The following RABGAP1L variants were observed in gnomAD, a reference collection of about 807,000 sequenced individuals.
The protein encoded by RABGAP1L is rab GTPase-activating protein 1-like.
A neutral mutation model predicts 137.7 loss-of-function variants in RABGAP1L; 63 were observed. The observed-to-expected ratio is 0.46, with a 90% CI of 0.37 to 0.56. The LOEUF is 0.56. Among genes scored for constraint, RABGAP1L ranks in the 20% least tolerant of loss-of-function variants. The probability of loss-of-function intolerance (pLI) is 0.00; values close to 1 mark genes in which losing one functional copy is unlikely to be tolerated. For missense variants in RABGAP1L, 1,095 were observed against 1,244.0 expected (o/e 0.88, Z 1.80); for synonymous variants, 431 against 433.7 (o/e 0.99, Z 0.08).
intron 13 of RABGAP1L, among the ~76,000 whole-genome samples, chr1:174,549,853 G>A (rs568605321): frequency 6.6e-6 from 1 of 152,216 alleles, no homozygotes; most frequent in East Asian, 1.9e-4. Flanking sequence ...CTCACCCAAG[G>A]TTTTGGAAAT....
chr1:174,449,327 AG>A, intron 13 of RABGAP1L: 1 of 774,302 alleles, frequency 1.3e-6, no homozygotes, highest in South Asian at 2.2e-5. Flanking sequence ...ATGAGACTAA[AG>A]GTTTCTCTCT....
intron 11 of RABGAP1L, among the ~76,000 whole-genome samples, chr1:174,357,538 A>G (rs1683739044): frequency 6.6e-6 from 1 of 152,226 alleles, no homozygotes; most frequent in African/African-American, 2.4e-5. Context: ...ACATGTAAAC[A>G]TGAATGTTGT....
intron 1 of RABGAP1L, among the ~76,000 whole-genome samples, chr1:174,166,406 G>T (rs2148205799): frequency 6.6e-6 from 1 of 152,322 alleles, no homozygotes; most frequent in Non-Finnish European, 1.5e-5. Context: ...ATACAGATCT[G>T]CAGCTAAGCT....
chr1:174,299,515 A>C (rs1397043186), intron 10 of RABGAP1L, among the ~76,000 whole-genome samples: 1 of 152,256 alleles, frequency 6.6e-6, no homozygotes, highest in Non-Finnish European at 1.5e-5. Context: ...GCACTGATGC[A>C]AACAGCTATA....
intron 11 of RABGAP1L, among the ~76,000 whole-genome samples, chr1:174,316,507 T>C (rs943362519): frequency 1.5e-4 from 23 of 152,242 alleles, no homozygotes; most frequent in African/African-American, 5.5e-4. Context: ...ACTGCCTTGA[T>C]GGTCTTGGAT....
At chr1:174,435,282 T>G (rs1213160066) in intron 13 of RABGAP1L, among the ~76,000 whole-genome samples, 2 of 152,196 alleles carry the variant, frequency 1.3e-5, no homozygotes, top group African/African-American at 4.8e-5. Context: ...CCTCCCAAAG[T>G]GCTGGGATTA....
At chr1:174,505,406 C>T (rs1166814044) in intron 13 of RABGAP1L, among the ~76,000 whole-genome samples, 1 of 151,884 alleles carries the variant, frequency 6.6e-6, no homozygotes, top group East Asian at 1.9e-4. Context: ...AACTTTATTC[C>T]CAAAACATTA....
chr1:174,585,671 G>A (rs890851087), intron 13 of RABGAP1L, among the ~76,000 whole-genome samples: 3 of 152,144 alleles, frequency 2.0e-5, no homozygotes, highest in Admixed American at 1.3e-4. Flanking sequence ...TCCCTGATGC[G>A]CTAAGCATGT....
intron 1 of RABGAP1L, among the ~76,000 whole-genome samples, chr1:174,199,832 A>G (rs1206731727): frequency 2.0e-5 from 3 of 152,210 alleles, no homozygotes; most frequent in Non-Finnish European, 4.4e-5. Context: ...CAGGGAAATA[A>G]CAGTGAGGGT....
chr1:174,744,743 C>T (rs943232553), intron 17 of RABGAP1L, among the ~76,000 whole-genome samples: 19 of 152,208 alleles, frequency 1.2e-4, no homozygotes, highest in African/African-American at 4.3e-4. Flanking sequence ...TGAAAACGGT[C>T]CCATATGAAA....
chr1:174,577,025 A>G (rs1333027427), intron 13 of RABGAP1L, among the ~76,000 whole-genome samples: 1 of 152,070 alleles, frequency 6.6e-6, no homozygotes, highest in African/African-American at 2.4e-5. Context: ...TAAAACAAAA[A>G]ACAAAAAACT....
chr1:174,614,066 T>A (rs1671543067), intron 13 of RABGAP1L, among the ~76,000 whole-genome samples: 1 of 152,188 alleles, frequency 6.6e-6, no homozygotes, highest in South Asian at 2.1e-4. Context: ...CATGTAAAGT[T>A]AATATTGTTA....
rs76659339 is a variant in RABGAP1L, at chr1:174,939,090, C to T, written c.2341-18367C>T. On this transcript the variant is annotated intron_variant, in intron 19 of 25. Transcript: ENST00000681986. ...TTTACTCTGTACTTAAAAAATGATT[C>T]GATTTTTTTAAATCAATTTTTAGAA... Among the ~76,000 whole-genome samples the T allele has an allele frequency of 9.0e-3, 1,376 of 152,156 alleles. 25 individuals are homozygous for T. Among genetic ancestry groups the T allele is most frequent in the African/African-American group, 0.032 (1,324 of 41,516 alleles).
chr1:174,772,316 G>T (rs1686178223), intron 18 of RABGAP1L, among the ~76,000 whole-genome samples: 1 of 151,936 alleles, frequency 6.6e-6, no homozygotes. Context: ...AGTGGCTCAG[G>T]CCTGTAATCC....
chr1:174,341,927 A>T (rs1323793406), intron 11 of RABGAP1L, among the ~76,000 whole-genome samples: 2 of 152,190 alleles, frequency 1.3e-5, no homozygotes. Flanking sequence ...CAGCCTTTAA[A>T]TGATGGATAA....
intron 15 of RABGAP1L, among the ~76,000 whole-genome samples, chr1:174,697,466 A>G (rs1468569883): frequency 6.6e-6 from 1 of 152,094 alleles, no homozygotes; most frequent in Non-Finnish European, 1.5e-5. Flanking sequence ...GATTACATGT[A>G]CACACCAACA....
intron 17 of RABGAP1L, among the ~76,000 whole-genome samples, chr1:174,748,898 C>G (rs953916340): frequency 1.3e-5 from 2 of 151,306 alleles, no homozygotes; most frequent in African/African-American, 4.9e-5. Context: ...GACATCAGTC[C>G]GGGTGCGCTG....
At chr1:174,671,610 A>G (rs1677181604) in intron 14 of RABGAP1L, among the ~76,000 whole-genome samples, 1 of 152,208 alleles carries the variant, frequency 6.6e-6, no homozygotes, top group African/African-American at 2.4e-5. Context: ...TATCACATTT[A>G]TTGATTTACA....
intron 13 of RABGAP1L, among the ~76,000 whole-genome samples, chr1:174,551,757 G>GAA (rs11430299): frequency 4.0e-5 from 6 of 150,726 alleles, no homozygotes; most frequent in African/African-American, 1.2e-4. Context: ...GCTATTTTTG[G>GAA]AAAAAAAAAT....
Sources: allele counts gnomAD v4.1 joint callset (sites outside exome capture counted in the v4.1 genomes callset), GRCh38; gene constraint gnomAD v4.1.1; transcripts MANE v1.5; gene names NCBI Gene and HGNC (gene_info 2026-07-23, HGNC 2026-07-21).